Variants in CCDC25 observed in about 807,000 individuals in gnomAD.
The protein encoded by CCDC25 is coiled-coil domain containing 25, also known as coiled-coil domain-containing protein 25.
In CCDC25, 16 loss-of-function variants were observed where a neutral mutation model predicts 35.3. The observed-to-expected ratio is 0.45, with a 90% CI of 0.31 to 0.69. CCDC25 has a LOEUF of 0.69. CCDC25 is among the 30% of genes least tolerant of loss of function. The probability of loss-of-function intolerance (pLI) is 0.06; values close to 1 mark genes in which losing one functional copy is unlikely to be tolerated. For synonymous variants in CCDC25, 79 were observed against 80.3 expected, an observed-to-expected ratio of 0.98 and a Z score of 0.09; for missense variants, 179 against 250.7, an observed-to-expected ratio of 0.71 and a Z score of 1.93.
intron 7 of CCDC25, 156 bp downstream of exon 7, chr8:27,747,921 G>T: frequency 1.5e-6 from 1 of 655,236 alleles, no homozygotes; most frequent in South Asian, 2.0e-5. Context: ...TAATATAAAT[G>T]CCTTTTTTTA....
chr8:27,736,237 A>G lies in CCDC25; in HGVS notation c.606T>C (p.Asn202=). The change falls in exon 9 of 9, where the codon AAT becomes AAC. Residue 202 remains asparagine (N), a synonymous_variant. Transcript: ENST00000356537. Reference sequence around the variant, plus strand: ...CCTTTTACATGAATTCATCTGAATCATTGCCATCCTGTAGGAAACACAAAA... The same window carrying G: ...CCTTTTACATGAATTCATCTGAATCGTTGCCATCCTGTAGGAAACACAAAA... ...VENMSSNQDG[N]DSDEFM 1 of 1,608,036 alleles carries G rather than the reference A, an allele frequency of 6.2e-7. No homozygotes were observed. Among genetic ancestry groups the G allele is most frequent in the Non-Finnish European group, 8.5e-7 (1 of 1,177,504 alleles).
In CCDC25 at chr8:27,772,629, G is replaced by A. The variant is rs537450700; in HGVS notation, c.-89C>T. 9 of 1,363,006 alleles carry A rather than the reference G, an allele frequency of 6.6e-6. No homozygotes were observed. The highest frequency in any genetic ancestry group is 4.2e-5 in the Admixed American group (2 of 48,010). 84.4% of individuals were successfully genotyped at this position (1,363,006 alleles called of 1,614,324 possible). On this transcript the variant is annotated 5_prime_UTR_variant, in exon 1 of 9. Coordinates refer to ENST00000356537, the MANE Select transcript of CCDC25 (RefSeq NM_018246.3). Reference sequence around the variant, plus strand: ...ATACCAGACTCGCGGCGGCCGCCTGGCCCCCGGAACTCCTCCGTGCACTTC... The same window carrying A: ...ATACCAGACTCGCGGCGGCCGCCTGACCCCCGGAACTCCTCCGTGCACTTC...
chr8:27,741,491 C>T (rs1052202830), intron 7 of CCDC25, among the ~76,000 whole-genome samples: 1 of 152,160 alleles, frequency 6.6e-6, no homozygotes, highest in African/African-American at 2.4e-5. Flanking sequence ...GCAGCCTGAC[C>T]AATGTGGTGA....
chr8:27,738,633 T>A (rs1803335766), intron 8 of CCDC25, among the ~76,000 whole-genome samples: 1 of 152,112 alleles, frequency 6.6e-6, no homozygotes, highest in Admixed American at 6.5e-5. Flanking sequence ...TGTATTTGTT[T>A]ATTTCTCAAC....
At chr8:27,758,192 A>C (rs1036709225) in intron 3 of CCDC25, among the ~76,000 whole-genome samples, 1 of 152,166 alleles carries the variant, frequency 6.6e-6, no homozygotes, top group African/African-American at 2.4e-5. Context: ...TGTTCAGAAA[A>C]TCCTAAAGAG....
chr8:27,768,136 A>G (rs1319879362), intron 1 of CCDC25, among the ~76,000 whole-genome samples: 1 of 152,080 alleles, frequency 6.6e-6, no homozygotes, highest in Non-Finnish European at 1.5e-5. Context: ...TGACTGCACC[A>G]CTACACTTGC....
Position 27,764,342 on chromosome 8 carries a change from C to T in CCDC25, c.76+862G>A, listed in dbSNP as rs146700450. 3.1e-3 allele frequency: 759 copies of T among 243,830 alleles called. 3 individuals are homozygous for T. Among genetic ancestry groups the T allele is most frequent in the Non-Finnish European group, 4.3e-3 (513 of 119,796 alleles). 15.1% of individuals were successfully genotyped at this position (243,830 alleles called of 1,614,324 possible). On this transcript the variant is annotated intron_variant, in intron 2 of 8. Transcript: ENST00000356537. ...CTGGAATGCAGTGGCATGATCACAG[C>T]TCACTGCAGCCTACCTCCCAGGCTC...
chr8:27,740,048 T>A (rs532186264), intron 8 of CCDC25, among the ~76,000 whole-genome samples: 1 of 152,212 alleles, frequency 6.6e-6, no homozygotes, highest in Non-Finnish European at 1.5e-5. Flanking sequence ...TCACATAAGA[T>A]CTTAGGGTAA....
intron 8 of CCDC25, among the ~76,000 whole-genome samples, chr8:27,740,130 A>C (rs1703474613): frequency 7.2e-6 from 1 of 138,688 alleles, no homozygotes. Context: ...ACAGTGATAA[A>C]GAACACTAAT....
rs375006724 is a variant in CCDC25, at chr8:27,740,532, A to G, written c.552-15T>C. 27 of 1,366,372 alleles carry G rather than the reference A, an allele frequency of 2.0e-5. No individual in the cohort carries two copies. In the African/African-American group the frequency reaches 3.7e-4, roughly 19 times the overall value. The allele number at this position is 1,366,372 out of a possible 1,614,324, so 84.6% of individuals were successfully genotyped here. ...ATGAATAGCTCCTAGAAGGAAAAAA[A>G]CACACACACACATTTAAAATATGGT... On this transcript the variant is annotated splice_polypyrimidine_tract_variant and intron_variant, in intron 7 of 8. Coordinates refer to ENST00000356537, the MANE Select transcript of CCDC25 (RefSeq NM_018246.3).
At chr8:27,771,766 G>C (rs915036211) in intron 1 of CCDC25, among the ~76,000 whole-genome samples, 26 of 152,282 alleles carry the variant, frequency 1.7e-4, no homozygotes, top group African/African-American at 5.8e-4. Context: ...TCTTGGGGTA[G>C]GAGCTAGCAT....
Position 27,737,264 on chromosome 8 carries a change from G to A in CCDC25, c.598-1019C>T, listed in dbSNP as rs1803266900. On this transcript the variant is annotated intron_variant, in intron 8 of 8. Coordinates refer to ENST00000356537, the MANE Select transcript of CCDC25 (RefSeq NM_018246.3). The surrounding 1 kb of genome is among the most constrained non-coding windows in gnomAD (Gnocchi z 4.6). Reference sequence around the variant, plus strand: ...ATATCCAGGCGCAAAGACTATGATTGCCCCAGAGTCTTAATCTGAAATAAA... The same window carrying A: ...ATATCCAGGCGCAAAGACTATGATTACCCCAGAGTCTTAATCTGAAATAAA... Among the ~76,000 whole-genome samples the A allele has an allele frequency of 6.6e-6, 1 of 152,124 alleles. No individual in the cohort carries two copies. The highest frequency in any genetic ancestry group is 1.5e-5 in the Non-Finnish European group (1 of 68,016).
chr8:27,743,647 A>C (rs1803510983), intron 7 of CCDC25, among the ~76,000 whole-genome samples: 1 of 152,184 alleles, frequency 6.6e-6, no homozygotes, highest in Admixed American at 6.5e-5. Flanking sequence ...TAATCCCAGC[A>C]CTTTGGGAGG....
At position 27,767,753 on chromosome 8, in the gene CCDC25, C is replaced by T. The variant is rs556277788; in HGVS notation, c.29-2502G>A. Among the ~76,000 whole-genome samples the T allele has an allele frequency of 7.2e-5, 11 of 152,186 alleles. No homozygotes were observed. In the South Asian group the frequency reaches 1.7e-3, roughly 23 times the overall value. ...ATTTCCTAATTTTGATGATGAAAAA[C>T]GTCTTTTGAGAAGAGAATGCCCTTG... On this transcript the variant is annotated intron_variant, in intron 1 of 8. Transcript: ENST00000356537.
At chr8:27,750,102 G>A (rs188395725) in intron 5 of CCDC25, among the ~76,000 whole-genome samples, 19 of 152,304 alleles carry the variant, frequency 1.2e-4, no homozygotes, top group Non-Finnish European at 5.9e-5. Context: ...CTCTAACGGA[G>A]CAGGGTAAGC....
At chr8:27,757,731 T>A (rs1398558758) in intron 3 of CCDC25, among the ~76,000 whole-genome samples, 2 of 152,150 alleles carry the variant, frequency 1.3e-5, no homozygotes, top group Admixed American at 6.5e-5. Flanking sequence ...CGTGATTCTG[T>A]TAACTTTAGT....
chr8:27,740,331 C>A, intron 8 of CCDC25, 141 bp downstream of exon 8: 1 of 720,396 alleles, frequency 1.4e-6, no homozygotes, highest in Non-Finnish European at 2.4e-6. Context: ...CTAAAAGAAT[C>A]CAGCCTGAGT....
Position 27,733,395 on chromosome 8 carries a change from A to G in CCDC25, c.*2821T>C, listed in dbSNP as rs569982694. On this transcript the variant is annotated 3_prime_UTR_variant, in exon 9 of 9. Transcript: ENST00000356537. ...ACATGCTGCATCTGGGGTTGGCATC[A>G]TTTCCCTTTTGAATGACAGAATGTG... is the stretch of plus-strand genomic sequence containing the variant. 1.2e-3 allele frequency: 183 copies of G among 152,296 alleles called. 1 individual carries two copies. Among genetic ancestry groups the G allele is most frequent in the Non-Finnish European group, 1.2e-3 (82 of 68,014 alleles). 9.4% of individuals were successfully genotyped at this position (152,296 alleles called of 1,614,324 possible). A position where few individuals can be genotyped will look rare whatever the true frequency, so the allele number is the denominator to read the frequency against.
At chr8:27,768,191 A>T (rs1240574038) in intron 1 of CCDC25, among the ~76,000 whole-genome samples, 1 of 152,116 alleles carries the variant, frequency 6.6e-6, no homozygotes, top group Non-Finnish European at 1.5e-5. Flanking sequence ...GTCTCAAAAA[A>T]AATTGGGGGA....
Sources: allele counts gnomAD v4.1 joint callset (sites outside exome capture counted in the v4.1 genomes callset), GRCh38; gene constraint gnomAD v4.1.1; non-coding constraint Gnocchi (gnomAD v3.1); transcripts MANE v1.5; gene names NCBI Gene and HGNC (gene_info 2026-07-23, HGNC 2026-07-21).